Variants in CCDC63 observed in about 807,000 individuals in gnomAD.
The protein encoded by CCDC63 is coiled-coil domain containing 63, also known as coiled-coil domain-containing protein 63.
CCDC63 carries 54 observed loss-of-function variants against 63.6 expected under a neutral mutation model. The observed-to-expected ratio is 0.85, with a 90% CI of 0.68 to 1.07. The LOEUF is 1.07. Ranked by LOEUF, CCDC63 falls within the 50% of genes least tolerant of loss-of-function variation. CCDC63 has a pLI of 0.00. For synonymous variants in CCDC63, 253 were observed against 266.1 expected (o/e 0.95, Z 0.48); for missense variants, 637 against 689.6 (o/e 0.92, Z 0.86).
chr12:110,890,263 C>A (rs979972534), intron 8 of CCDC63, among the ~76,000 whole-genome samples: 6 of 151,522 alleles, frequency 4.0e-5, no homozygotes, highest in African/African-American at 1.5e-4. Flanking sequence ...AAGATCGCAC[C>A]ACTGCACTCC....
chr12:110,849,840 T>C (rs539043111), intron 1 of CCDC63, among the ~76,000 whole-genome samples: 1 of 152,148 alleles, frequency 6.6e-6, no homozygotes, highest in Non-Finnish European at 1.5e-5. Context: ...AATATACTTC[T>C]CCTTATGTCT....
rs765045331 is a variant in CCDC63 at position 110,862,489 on chromosome 12, A to G, written c.369+3714A>G. ...GCCGTTGCCTTGGAGAATGTCTCCC[A>G]TTGTGCAGAGGCTGAATGACTCCCA... On this transcript the variant is annotated intron_variant, in intron 4 of 11. Coordinates refer to ENST00000308208, the MANE Select transcript of CCDC63 (RefSeq NM_152591.3). Among the ~76,000 whole-genome samples the G allele has an allele frequency of 4.6e-5, 7 of 152,214 alleles. No homozygotes were observed. In the East Asian group the frequency reaches 1.2e-3, roughly 25 times the overall value.
chr12:110,851,473 T>A (rs1372096535), intron 1 of CCDC63, among the ~76,000 whole-genome samples: 2 of 152,140 alleles, frequency 1.3e-5, no homozygotes, highest in Non-Finnish European at 2.9e-5. Context: ...TTGGACTAGC[T>A]AGCTTCATGT....
chr12:110,862,024 G>T (rs1479430683), intron 4 of CCDC63, among the ~76,000 whole-genome samples: 1 of 152,110 alleles, frequency 6.6e-6, no homozygotes, highest in East Asian at 1.9e-4. Context: ...GTTCTCAGAG[G>T]GCAGAGACCC....
chr12:110,852,906 G>C lies in CCDC63; in HGVS notation c.-49G>C. The C allele has an allele frequency of 6.2e-7, 1 of 1,614,104 alleles. No homozygotes were observed. The highest frequency in any genetic ancestry group is 8.5e-7 in the Non-Finnish European group (1 of 1,179,994). The stretch of plus-strand genomic sequence containing the variant: ...AGAGAGGAAGGCTCACTGGCTTTGA[G>C]CTCTCTGGGTACAGTGTCTGAGTGG... On this transcript the variant is annotated 5_prime_UTR_variant, in exon 2 of 12. Coordinates refer to ENST00000308208, the MANE Select transcript of CCDC63 (RefSeq NM_152591.3).
chr12:110,880,009 A>C lies in CCDC63; in HGVS notation c.593A>C (p.Gln198Pro). 6.2e-7 allele frequency: 1 copy of C among 1,614,240 alleles called. No individual in the cohort carries two copies. Among genetic ancestry groups the C allele is most frequent in the Non-Finnish European group, 8.5e-7 (1 of 1,180,032 alleles). ...EKAAYDNVYQ[Q>P]LQHCLLMEKK... ...GCTGCTTATGACAATGTCTACCAGC[A>C]GCTCCAGCACTGCCTGTTGATGGAG... The change falls in exon 6 of 12, where the codon CAG (glutamine) becomes CCG (proline). Residue 198 changes from glutamine to proline, a missense_variant. Physicochemically the swap from Gln to Pro is moderately conservative, Grantham distance 76. Transcript: ENST00000308208.
intron 3 of CCDC63, among the ~76,000 whole-genome samples, chr12:110,856,728 A>T (rs1296000511): frequency 6.6e-6 from 1 of 152,102 alleles, no homozygotes; most frequent in Non-Finnish European, 1.5e-5. Flanking sequence ...CTACAGCCAA[A>T]TCTGGCTGGC....
chr12:110,904,460 C>A, intron 10 of CCDC63, 128 bp from the exon 11 acceptor site: 1 of 735,500 alleles, frequency 1.4e-6, no homozygotes, highest in Non-Finnish European at 2.4e-6. Flanking sequence ...TTTTCCTTGT[C>A]AGAGCCCAGA....
intron 4 of CCDC63, 34 bp downstream of exon 4, chr12:110,858,809 A>G: frequency 6.3e-7 from 1 of 1,591,930 alleles, no homozygotes; most frequent in Non-Finnish European, 8.6e-7. Flanking sequence ...TAACCAGAAC[A>G]CAGAGCAAAG....
At chr12:110,884,285 CCT>C in intron 8 of CCDC63, 35 bp downstream of exon 8, 2 of 1,549,072 alleles carry the variant, frequency 1.3e-6, no homozygotes, top group Non-Finnish European at 1.8e-6. Context: ...GCCCTGGGCC[CCT>C]GTGTCCACAG....
At chr12:110,878,427 G>A (rs969595534) in intron 5 of CCDC63, among the ~76,000 whole-genome samples, 3 of 152,070 alleles carry the variant, frequency 2.0e-5, no homozygotes, top group Non-Finnish European at 2.9e-5. Context: ...TGATTCTCTT[G>A]CCTCAGCCTC....
rs376513856 is a variant in CCDC63 at position 110,881,203 on chromosome 12, C to T, written c.760C>T (p.Arg254Cys). The T allele has an allele frequency of 8.1e-6, 13 of 1,613,676 alleles. No homozygotes were observed. Among genetic ancestry groups the T allele is most frequent in the Admixed American group, 5.0e-5 (3 of 59,962 alleles). The change falls in exon 7 of 12, where the codon CGT (arginine) becomes TGT (cysteine). Residue 254 changes from arginine (R) to cysteine (C), a missense_variant. Physicochemically the swap from Arg to Cys is radical, Grantham distance 180 (BLOSUM62 -3). Transcript: ENST00000308208. ...QYNLEIRELE[R>C]LYAHESKLKS... ...CAACCTGGAGATCCGAGAGCTGGAG[C>T]GTCTCTATGCCCATGAGAGCAAGCT...
chr12:110,879,038 A>G (rs1238673629), intron 5 of CCDC63, among the ~76,000 whole-genome samples: 1 of 152,230 alleles, frequency 6.6e-6, no homozygotes, highest in Non-Finnish European at 1.5e-5. Context: ...TTAAAGGTGA[A>G]TTACAAGTGT....
At chr12:110,897,276 A>AT (rs1197712703) in intron 9 of CCDC63, among the ~76,000 whole-genome samples, 1 of 142,898 alleles carries the variant, frequency 7.0e-6, no homozygotes, top group Non-Finnish European at 1.5e-5. Context: ...CTCTAATTTT[A>AT]TTAAAAAAAA....
chr12:110,905,911 TA>T (rs2071558847), intron 11 of CCDC63, among the ~76,000 whole-genome samples: 1 of 51,384 alleles, frequency 1.9e-5, no homozygotes, highest in Non-Finnish European at 3.5e-5. Flanking sequence ...TAATATATAT[TA>T]TATTATATAT....
At chr12:110,883,299 G>A (rs555443790) in intron 7 of CCDC63, among the ~76,000 whole-genome samples, 61 of 152,290 alleles carry the variant, frequency 4.0e-4, no homozygotes, top group Non-Finnish European at 2.1e-4. Flanking sequence ...GCCTCCCAAA[G>A]TGCTGGGATT....
At position 110,893,064 on chromosome 12, in the gene CCDC63, T is replaced by G. The variant is rs2071376810; in HGVS notation, c.1075-12T>G. ...CCCACTTTTCCTCATGGTCTTGTTC[T>G]CTCCCGAGCAGGACGAGATCATCCT... On this transcript the variant is annotated splice_polypyrimidine_tract_variant and intron_variant, in intron 8 of 11. Transcript: ENST00000308208. 2.5e-6 allele frequency: 4 copies of G among 1,613,332 alleles called. No homozygotes were observed. The East Asian group carries it at 8.9e-5, about 36-fold the overall frequency.
chr12:110,874,105 AGGAAGCCT>A, intron 5 of CCDC63, 144 bp downstream of exon 5: 3 of 1,142,214 alleles, frequency 2.6e-6, no homozygotes, highest in Non-Finnish European at 3.7e-6. Flanking sequence ...CACACAGGCC[AGGAAGCCT>A]TTAGGATTTA....
intron 4 of CCDC63, among the ~76,000 whole-genome samples, chr12:110,868,706 C>T (rs1213027377): frequency 9.3e-6 from 1 of 107,226 alleles, no homozygotes. Flanking sequence ...GAGAGGGAGA[C>T]CGTGGGGAGA....
Sources: allele counts gnomAD v4.1 joint callset (sites outside exome capture counted in the v4.1 genomes callset), GRCh38; gene constraint gnomAD v4.1.1; transcripts MANE v1.5; gene names NCBI Gene and HGNC (gene_info 2026-07-23, HGNC 2026-07-21).